The following RNGTT variants were observed in gnomAD, a reference collection of about 807,000 sequenced individuals.
RNGTT encodes the protein mRNA-capping enzyme.
In RNGTT, 33 loss-of-function variants were observed where a neutral mutation model predicts 79.3. That is an observed-to-expected ratio of 0.42 (90% CI 0.32 to 0.56). The LOEUF (loss-of-function observed/expected upper bound fraction) is 0.56. Ranked by LOEUF, RNGTT falls within the 20% of genes least tolerant of loss-of-function variation. RNGTT has a pLI of 0.17. For missense variants in RNGTT, 497 were observed against 739.1 expected, an observed-to-expected ratio of 0.67 and a Z score of 3.80; for synonymous variants, 222 against 235.9, an observed-to-expected ratio of 0.94 and a Z score of 0.54.
chr6:88,759,476 G>A (rs528425528), intron 13 of RNGTT, among the ~76,000 whole-genome samples: 1 of 152,286 alleles, frequency 6.6e-6, no homozygotes, highest in Non-Finnish European at 1.5e-5. Flanking sequence ...TCAGTGGACA[G>A]AGCTAGGAAA....
At chr6:88,727,003 G>C (rs752090217) in intron 13 of RNGTT, among the ~76,000 whole-genome samples, 2 of 105,252 alleles carry the variant, frequency 1.9e-5, no homozygotes, top group Admixed American at 8.7e-5. Flanking sequence ...AAAAAGGGGT[G>C]GGGGGGGAGA....
intron 4 of RNGTT, among the ~76,000 whole-genome samples, chr6:88,917,802 G>T (rs182250097): frequency 6.6e-6 from 1 of 152,074 alleles, no homozygotes; most frequent in African/African-American, 2.4e-5. Context: ...CAGGAGAATC[G>T]CGTGAGCCCA....
intron 12 of RNGTT, among the ~76,000 whole-genome samples, chr6:88,790,973 T>C (rs1779386976): frequency 6.6e-6 from 1 of 152,154 alleles, no homozygotes; most frequent in South Asian, 2.1e-4. Flanking sequence ...AACGTCTTAT[T>C]AAGCTATAAC....
At chr6:88,807,047 C>T (rs1325187368) in intron 11 of RNGTT, among the ~76,000 whole-genome samples, 2 of 152,102 alleles carry the variant, frequency 1.3e-5, no homozygotes, top group Non-Finnish European at 2.9e-5. Flanking sequence ...TTGATGAGAA[C>T]ACATGGACAC....
intron 6 of RNGTT, among the ~76,000 whole-genome samples, chr6:88,895,870 C>A (rs1397598113): frequency 6.6e-6 from 1 of 152,146 alleles, no homozygotes; most frequent in Non-Finnish European, 1.5e-5. Flanking sequence ...TGCTTTAAAG[C>A]CCCTTTTCCT....
chr6:88,726,649 T>C (rs1450285553), intron 13 of RNGTT, among the ~76,000 whole-genome samples: 1 of 152,062 alleles, frequency 6.6e-6, no homozygotes, highest in East Asian at 1.9e-4. Context: ...ATTCAGTAAG[T>C]GATAAGGAAA....
In RNGTT at chr6:88,906,348, T is replaced by C. The variant is rs189079097; in HGVS notation, c.443+17A>G. 256 of 1,506,554 alleles carry C rather than the reference T, an allele frequency of 1.7e-4. No homozygotes were observed. In the African/African-American group the frequency reaches 3.1e-3, roughly 18 times the overall value. The allele number at this position is 1,506,554 out of a possible 1,614,324, so 93.3% of individuals were successfully genotyped here. On this transcript the variant is annotated intron_variant, in intron 5 of 15. Transcript: ENST00000369485. ...TTATTACAAAATACATCTTCCATTA[T>C]AACAAGATACAAATACCTCCAATCC...
intron 4 of RNGTT, among the ~76,000 whole-genome samples, chr6:88,917,175 C>G (rs976650322): frequency 2.9e-4 from 44 of 152,156 alleles, no homozygotes; most frequent in Non-Finnish European, 5.9e-5. Context: ...TTTGCATAGG[C>G]CTGCCCACCA....
chr6:88,649,153 T>A (rs921718448), intron 14 of RNGTT, among the ~76,000 whole-genome samples: 6 of 152,220 alleles, frequency 3.9e-5, no homozygotes, highest in African/African-American at 1.4e-4. Flanking sequence ...GAGGACTTAC[T>A]GTATATTTAA....
In RNGTT at chr6:88,885,545, T is replaced by C. The variant is rs564918523; in HGVS notation, c.896+4950A>G. Among the ~76,000 whole-genome samples the C allele has an allele frequency of 1.1e-4, 17 of 152,346 alleles. 1 individual carries two copies. Among genetic ancestry groups the C allele is most frequent in the African/African-American group, 4.1e-4 (17 of 41,584 alleles). On this transcript the variant is annotated intron_variant, in intron 8 of 15. Transcript: ENST00000369485. ...GTTCTTCCTAAGAGCTGAATTCCACTATTCCACTTAGCAAACATAACAGTG... is the reference window on the plus strand; with the variant it reads ...GTTCTTCCTAAGAGCTGAATTCCACCATTCCACTTAGCAAACATAACAGTG...
chr6:88,839,363 G>T (rs1287613798), intron 11 of RNGTT, among the ~76,000 whole-genome samples: 1 of 152,094 alleles, frequency 6.6e-6, no homozygotes, highest in Non-Finnish European at 1.5e-5. Context: ...TTGAGCCCAG[G>T]AATTTGAGAC....
At chr6:88,904,994 T>C in intron 5 of RNGTT, 39 bp from the exon 6 acceptor site, 1 of 1,602,314 alleles carries the variant, frequency 6.2e-7, no homozygotes, top group Non-Finnish European at 8.5e-7. Context: ...CTCGCTATCC[T>C]CTATTTATGC....
intron 13 of RNGTT, among the ~76,000 whole-genome samples, chr6:88,704,241 C>G (rs181490649): frequency 1.8e-5 from 2 of 111,570 alleles, no homozygotes; most frequent in African/African-American, 7.1e-5. Flanking sequence ...CCCTGGGTGA[C>G]AGAGCGAGAC....
At chr6:88,906,298 G>T (rs1783652084) in intron 5 of RNGTT, 67 bp downstream of exon 5, 1 of 1,002,220 alleles carries the variant, frequency 1.0e-6, no homozygotes, top group Non-Finnish European at 1.5e-6. Context: ...ACAAAATTCT[G>T]CAACTAAAAT....
chr6:88,665,518 C>T (rs764716493), intron 14 of RNGTT, among the ~76,000 whole-genome samples: 1 of 152,240 alleles, frequency 6.6e-6, no homozygotes, highest in Non-Finnish European at 1.5e-5. Context: ...TTCCATCCAA[C>T]AGTACCTAAC....
At chr6:88,795,797 G>A (rs1039459659) in intron 12 of RNGTT, among the ~76,000 whole-genome samples, 2 of 152,094 alleles carry the variant, frequency 1.3e-5, no homozygotes, top group East Asian at 1.9e-4. Flanking sequence ...AGGGACCCTC[G>A]CAATACTGCA....
Position 88,804,697 on chromosome 6 carries a change from C to T in RNGTT, c.1270-3065G>A, listed in dbSNP as rs556825032. Reference sequence around the variant, plus strand: ...GTGTTTATTAAATTAGAAATATTAGCTTTTGTTTATTTACAATTCTTAAAA... The same window carrying T: ...GTGTTTATTAAATTAGAAATATTAGTTTTTGTTTATTTACAATTCTTAAAA... On this transcript the variant is annotated intron_variant, in intron 11 of 15. Coordinates refer to ENST00000369485, the MANE Select transcript of RNGTT (RefSeq NM_003800.5). 2.1e-4 allele frequency among the ~76,000 whole-genome samples: 32 copies of T among 151,838 alleles called. No homozygotes were observed. In the South Asian group the frequency reaches 3.3e-3, roughly 16 times the overall value.
chr6:88,812,139 T>C lies in RNGTT; in HGVS notation c.1270-10507A>G, dbSNP rs537599110. ...AAAAAGAATGACTTGATTGCCACTATTTACCAATAGTGCCTAAACAACTAT... is the reference window on the plus strand; with the variant it reads ...AAAAAGAATGACTTGATTGCCACTACTTACCAATAGTGCCTAAACAACTAT... On this transcript the variant is annotated intron_variant, in intron 11 of 15. Transcript: ENST00000369485. Among the ~76,000 whole-genome samples, 3 of 152,320 alleles carry C rather than the reference T, an allele frequency of 2.0e-5. No homozygotes were observed. The South Asian group carries it at 6.2e-4, about 32-fold the overall frequency.
chr6:88,963,158 C>A (rs886412059), intron 1 of RNGTT, among the ~76,000 whole-genome samples, 188 bp downstream of exon 1: 1 of 151,604 alleles, frequency 6.6e-6, no homozygotes, highest in Non-Finnish European at 1.5e-5. Flanking sequence ...TAACAAGTGC[C>A]CCCCATCCGC....
Sources: allele counts gnomAD v4.1 joint callset (sites outside exome capture counted in the v4.1 genomes callset), GRCh38; gene constraint gnomAD v4.1.1; transcripts MANE v1.5; gene names NCBI Gene and HGNC (gene_info 2026-07-23, HGNC 2026-07-21).